The following SPIDR variants were observed in gnomAD, a reference collection of about 807,000 sequenced individuals.
The protein encoded by SPIDR is scaffold protein involved in DNA repair.
SPIDR carries 93 observed loss-of-function variants against 104.6 expected under a neutral mutation model. The ratio of observed to expected loss-of-function variants is 0.89; its 90% CI spans 0.75 to 1.06. The LOEUF is 1.06. Among genes scored for constraint, SPIDR ranks in the 50% least tolerant of loss-of-function variants. SPIDR has a pLI of 0.00. For synonymous variants in SPIDR, 431 were observed against 416.9 expected (o/e 1.03, Z -0.41); for missense variants, 1,154 against 1,111.2 (o/e 1.04, Z -0.55).
chr8:47,634,493 A>T (rs2067581801), intron 10 of SPIDR, among the ~76,000 whole-genome samples: 1 of 152,204 alleles, frequency 6.6e-6, no homozygotes, highest in Admixed American at 6.5e-5. Context: ...AACTTTTCCA[A>T]ATACAAAAGT....
intron 8 of SPIDR, among the ~76,000 whole-genome samples, chr8:47,560,273 A>G (rs572581013): frequency 1.3e-5 from 2 of 152,290 alleles, no homozygotes; most frequent in South Asian, 2.1e-4. Flanking sequence ...ACTTTCACAT[A>G]TAGTGCTGGT....
At chr8:47,507,133 A>G (rs879437136) in intron 8 of SPIDR, among the ~76,000 whole-genome samples, 15 of 152,208 alleles carry the variant, frequency 9.9e-5, no homozygotes, top group African/African-American at 2.9e-4. Flanking sequence ...AAATCCACCC[A>G]TATGCCTCTT....
chr8:47,596,116 C>T, intron 9 of SPIDR, 110 bp downstream of exon 9: 2 of 929,088 alleles, frequency 2.2e-6, no homozygotes, highest in Non-Finnish European at 3.2e-6. Flanking sequence ...CCTCCAAAAA[C>T]CCCACCACAA....
chr8:47,658,623 T>A (rs116707328), intron 10 of SPIDR, among the ~76,000 whole-genome samples: 25 of 151,766 alleles, frequency 1.6e-4, no homozygotes, highest in African/African-American at 5.8e-4. Context: ...ACAATAAAGA[T>A]GGTGTGTGAG....
At chr8:47,595,652 C>T (rs925650014) in intron 8 of SPIDR, among the ~76,000 whole-genome samples, 159 bp from the exon 9 acceptor site, 3 of 152,222 alleles carry the variant, frequency 2.0e-5, no homozygotes, top group Non-Finnish European at 2.9e-5. Context: ...CTACTGGTGG[C>T]CATGCTGGAG....
intron 10 of SPIDR, among the ~76,000 whole-genome samples, chr8:47,612,336 A>G (rs553309945): frequency 9.8e-5 from 15 of 152,302 alleles, no homozygotes; most frequent in Non-Finnish European, 2.2e-4. Flanking sequence ...CTATCTCCTC[A>G]AGAGCTATGG....
At chr8:47,665,311 A>G (rs1296697086) in intron 10 of SPIDR, among the ~76,000 whole-genome samples, 1 of 152,246 alleles carries the variant, frequency 6.6e-6, no homozygotes, top group Non-Finnish European at 1.5e-5. Flanking sequence ...GCTGAAAGAA[A>G]CAAATTACTT....
At chr8:47,622,296 TA>T (rs1449528151) in intron 10 of SPIDR, among the ~76,000 whole-genome samples, 2 of 151,962 alleles carry the variant, frequency 1.3e-5, no homozygotes, top group Non-Finnish European at 2.9e-5. Context: ...ACTTGGAAAA[TA>T]ATAGGCCTGG....
At chr8:47,475,253 C>T (rs1336968230) in intron 8 of SPIDR, among the ~76,000 whole-genome samples, 1 of 152,252 alleles carries the variant, frequency 6.6e-6, no homozygotes, top group Non-Finnish European at 1.5e-5. Context: ...GGAAGACAGG[C>T]TGTTAGCACA....
In SPIDR at chr8:47,309,045, GCTTCCTACTCCACCATCTT is replaced by G. The variant is rs369558539; in HGVS notation, c.525+15017_525+15035del. 5.0e-3 allele frequency among the ~76,000 whole-genome samples: 758 copies of G among 152,346 alleles called. 4 individuals are homozygous for G. The highest frequency in any genetic ancestry group is 0.022 in the South Asian group (108 of 4,828). On this transcript the variant is annotated intron_variant, in intron 5 of 19. Transcript: ENST00000297423. ...CTAGGTGGAGCAACACATGCGTGGTGCTTCCTACTCCACCATCTTCCCAGAATCCTCTGATTGCGTATAA... is the reference window on the plus strand; with the variant it reads ...CTAGGTGGAGCAACACATGCGTGGTGCCCAGAATCCTCTGATTGCGTATAA...
chr8:47,544,512 T>G (rs1482862528), intron 8 of SPIDR, among the ~76,000 whole-genome samples: 1 of 152,240 alleles, frequency 6.6e-6, no homozygotes, highest in Non-Finnish European at 1.5e-5. Context: ...TTTGAGTTAC[T>G]TTTCATATAA....
chr8:47,524,450 G>A (rs2084666369), intron 8 of SPIDR, among the ~76,000 whole-genome samples: 3 of 152,078 alleles, frequency 2.0e-5, no homozygotes, highest in South Asian at 2.1e-4. Flanking sequence ...TCCTATAGTC[G>A]CAGCACTATT....
At chr8:47,658,140 C>T (rs545403771) in intron 10 of SPIDR, among the ~76,000 whole-genome samples, 20 of 151,952 alleles carry the variant, frequency 1.3e-4, no homozygotes, top group African/African-American at 4.3e-4. Context: ...ACGTCTTGGC[C>T]GGGTGCCGTG....
At chr8:47,304,690 A>G (rs1372900577) in intron 5 of SPIDR, among the ~76,000 whole-genome samples, 1 of 152,238 alleles carries the variant, frequency 6.6e-6, no homozygotes, top group South Asian at 2.1e-4. Context: ...ATATGCCACC[A>G]TTCTTCCTGT....
chr8:47,417,155 C>G (rs1365455898), intron 7 of SPIDR, among the ~76,000 whole-genome samples: 1 of 152,132 alleles, frequency 6.6e-6, no homozygotes, highest in East Asian at 1.9e-4. Context: ...AATGGGATGG[C>G]TGGGTCAAAT....
intron 7 of SPIDR, among the ~76,000 whole-genome samples, chr8:47,412,022 T>C (rs778601655): frequency 2.6e-5 from 4 of 152,236 alleles, no homozygotes; most frequent in Admixed American, 6.5e-5. Context: ...ATATCTCTGT[T>C]TTGGTACCAG....
At chr8:47,647,992 TGA>T (rs1477186249) in intron 10 of SPIDR, among the ~76,000 whole-genome samples, 2 of 152,130 alleles carry the variant, frequency 1.3e-5, no homozygotes, top group Non-Finnish European at 2.9e-5. Context: ...ACTCTGATCG[TGA>T]GGAGGTCTAG....
chr8:47,409,748 GCC>G (rs2063245705), intron 7 of SPIDR, among the ~76,000 whole-genome samples: 1 of 152,078 alleles, frequency 6.6e-6, no homozygotes, highest in Admixed American at 6.5e-5. Flanking sequence ...CCTTTCCGAG[GCC>G]AGGTGTGGTG....
intron 5 of SPIDR, among the ~76,000 whole-genome samples, chr8:47,317,407 G>A (rs1423342563): frequency 2.6e-5 from 4 of 152,056 alleles, no homozygotes; most frequent in Non-Finnish European, 4.4e-5. Flanking sequence ...GCTGGGGGAG[G>A]GGCGCCCACC....
Sources: gnomAD v4.1 joint callset for allele counts (sites outside exome capture counted in the v4.1 genomes callset) on GRCh38, gnomAD v4.1.1 for gene constraint, MANE v1.5 for transcripts, NCBI Gene and HGNC (gene_info 2026-07-23, HGNC 2026-07-21) for gene names.